NLGN1: variants seen among roughly 807,000 people sequenced by gnomAD.
NLGN1 encodes neuroligin-1.
A neutral mutation model predicts 65.5 loss-of-function variants in NLGN1; 12 were observed. The observed-to-expected ratio is 0.18, with a 90% CI of 0.12 to 0.30. NLGN1 has a LOEUF of 0.30. Among genes scored for constraint, NLGN1 ranks in the 10% least tolerant of loss-of-function variants. The pLI, the probability that NLGN1 is intolerant of heterozygous loss-of-function variation, is 1.00. For missense variants in NLGN1, 750 were observed against 1,007.1 expected, an observed-to-expected ratio of 0.74 and a Z score of 3.46; for synonymous variants, 350 against 359.5, an observed-to-expected ratio of 0.97 and a Z score of 0.30.
chr3:173,414,036 A>T (rs73047906), intron 1 of NLGN1, among the ~76,000 whole-genome samples: 4,000 of 152,282 alleles, frequency 0.026, 164 homozygotes, highest in African/African-American at 0.091. Context: ...GGGTTCGGGA[A>T]GGTACCCCAA....
chr3:173,883,835 T>TTA (rs1553880096), intron 4 of NLGN1, among the ~76,000 whole-genome samples: 3 of 149,272 alleles, frequency 2.0e-5, no homozygotes, highest in Admixed American at 6.7e-5. Context: ...TTTTTTTTTT[T>TTA]AGAATTCCAT....
intron 4 of NLGN1, among the ~76,000 whole-genome samples, chr3:173,887,157 A>G (rs985771220): frequency 1.6e-4 from 24 of 152,046 alleles, no homozygotes; most frequent in Non-Finnish European, 2.9e-5. Context: ...TTCTTAAACA[A>G]TATTCATTTG....
intron 3 of NLGN1, among the ~76,000 whole-genome samples, chr3:173,722,189 T>C (rs58321127): frequency 0.058 from 8,784 of 151,868 alleles, 370 homozygotes; most frequent in East Asian, 0.13. Context: ...TCAGTAGCCT[T>C]GTGTAAGTCA....
chr3:174,138,651 G>A (rs1237913450), intron 4 of NLGN1, among the ~76,000 whole-genome samples: 1 of 151,974 alleles, frequency 6.6e-6, no homozygotes, highest in East Asian at 2.0e-4. Context: ...AGCCAGGATG[G>A]TCTTGATCTC....
At chr3:173,581,588 G>A (rs950223752) in intron 2 of NLGN1, among the ~76,000 whole-genome samples, 2 of 151,642 alleles carry the variant, frequency 1.3e-5, no homozygotes, top group East Asian at 1.9e-4. Context: ...TTCCCATTTA[G>A]GTGGTAATTT....
intron 4 of NLGN1, among the ~76,000 whole-genome samples, chr3:174,223,910 T>A (rs1163318004): frequency 6.6e-6 from 1 of 152,128 alleles, no homozygotes; most frequent in Non-Finnish European, 1.5e-5. Context: ...TGAAAGTTAT[T>A]TTAGACTCCT....
intron 1 of NLGN1, among the ~76,000 whole-genome samples, chr3:173,404,529 A>G (rs1173195592): frequency 6.6e-6 from 1 of 152,190 alleles, no homozygotes; most frequent in Non-Finnish European, 1.5e-5. Flanking sequence ...GTTTAGGGTC[A>G]GGAACAGATG....
chr3:173,443,546 A>G (rs879670387), intron 2 of NLGN1, among the ~76,000 whole-genome samples: 1 of 152,096 alleles, frequency 6.6e-6, no homozygotes, highest in Non-Finnish European at 1.5e-5. Flanking sequence ...TTGTATGTGC[A>G]GTATCAATAA....
At chr3:173,568,976 C>T (rs962542976) in intron 2 of NLGN1, among the ~76,000 whole-genome samples, 5 of 152,262 alleles carry the variant, frequency 3.3e-5, no homozygotes, top group East Asian at 1.9e-4. Context: ...CGCGCCTGGC[C>T]TAGGACTTCT....
At chr3:173,988,359 C>T (rs1720387057) in intron 4 of NLGN1, among the ~76,000 whole-genome samples, 1 of 152,156 alleles carries the variant, frequency 6.6e-6, no homozygotes, top group South Asian at 2.1e-4. Flanking sequence ...TAGATACAAG[C>T]TCATTCTACC....
chr3:173,458,410 C>A (rs896382721), intron 2 of NLGN1, among the ~76,000 whole-genome samples: 1 of 151,934 alleles, frequency 6.6e-6, no homozygotes, highest in Non-Finnish European at 1.5e-5. Context: ...GGTATCTCAC[C>A]CTAAAGACGA....
At chr3:173,839,027 C>A (rs1187402432) in intron 4 of NLGN1, among the ~76,000 whole-genome samples, 3 of 150,604 alleles carry the variant, frequency 2.0e-5, no homozygotes, top group African/African-American at 7.3e-5. Flanking sequence ...CATCAGGAAC[C>A]AAATTTTGCA....
chr3:173,776,517 T>G (rs1780323095), intron 3 of NLGN1, among the ~76,000 whole-genome samples: 1 of 152,054 alleles, frequency 6.6e-6, no homozygotes, highest in Non-Finnish European at 1.5e-5. Context: ...GTTGTGGTGT[T>G]GACAACCTAG....
chr3:173,602,209 T>A (rs1750654761), intron 2 of NLGN1, among the ~76,000 whole-genome samples: 1 of 152,064 alleles, frequency 6.6e-6, no homozygotes, highest in East Asian at 1.9e-4. Flanking sequence ...GAGGAATTTT[T>A]AATATACTAA....
chr3:173,779,518 G>A lies in NLGN1; in HGVS notation c.494-28162G>A, dbSNP rs192388648. On this transcript the variant is annotated intron_variant, in intron 3 of 6. Transcript: ENST00000457714. ...ATTTAACAAAATTTTACGGAGTCCT[G>A]TAATACATCAAATCCTGGGCCACAA... Among the ~76,000 whole-genome samples, 798 of 151,982 alleles carry A rather than the reference G, an allele frequency of 5.3e-3. 6 individuals are homozygous for A. Among genetic ancestry groups the A allele is most frequent in the African/African-American group, 0.018 (763 of 41,482 alleles).
rs559442110 is a variant in NLGN1 at position 173,775,917 on chromosome 3, CATT to C, written c.494-31760_494-31758del. 5.4e-3 allele frequency among the ~76,000 whole-genome samples: 829 copies of C among 152,196 alleles called. 2 individuals carry two copies. Among genetic ancestry groups the C allele is most frequent in the Non-Finnish European group, 6.5e-3 (443 of 67,956 alleles). On this transcript the variant is annotated intron_variant, in intron 3 of 6. Coordinates refer to ENST00000457714, the Ensembl canonical transcript of NLGN1. ...AGCACTGAGGCTAAAAAGGGACAAT[CATT>C]ATAGACAGTCCAGATATGAAAACAT...
At chr3:173,754,496 A>G (rs1776807185) in intron 3 of NLGN1, among the ~76,000 whole-genome samples, 2 of 152,018 alleles carry the variant, frequency 1.3e-5, no homozygotes, top group African/African-American at 4.8e-5. Flanking sequence ...ATATTACTTA[A>G]TTTACTTATT....
At chr3:173,846,816 A>G (rs1337590754) in intron 4 of NLGN1, among the ~76,000 whole-genome samples, 1 of 152,184 alleles carries the variant, frequency 6.6e-6, no homozygotes, top group Non-Finnish European at 1.5e-5. Flanking sequence ...GTGTCACTGA[A>G]TTCACACCAA....
intron 4 of NLGN1, among the ~76,000 whole-genome samples, chr3:173,822,219 G>T (rs1201662714): frequency 1.3e-5 from 2 of 151,998 alleles, no homozygotes; most frequent in Non-Finnish European, 1.5e-5. Flanking sequence ...TTTTATTTAC[G>T]ATCCGTACTT....
Sources: allele counts gnomAD v4.1 joint callset (sites outside exome capture counted in the v4.1 genomes callset), GRCh38; gene constraint gnomAD v4.1.1; transcripts MANE v1.5; gene names NCBI Gene and HGNC (gene_info 2026-07-23, HGNC 2026-07-21).